NSD2: variants seen among roughly 807,000 people sequenced by gnomAD.
The protein encoded by NSD2 is nuclear receptor binding SET domain protein 2, also known as histone-lysine N-methyltransferase NSD2.
NSD2 carries 12 observed loss-of-function variants against 139.0 expected under a neutral mutation model. That is an observed-to-expected ratio of 0.09 (90% CI 0.06 to 0.14). The LOEUF is 0.14. NSD2 is among the 10% of genes least tolerant of loss of function. The probability of loss-of-function intolerance (pLI) is 1.00; values close to 1 mark genes in which losing one functional copy is unlikely to be tolerated. For synonymous variants in NSD2, 669 were observed against 648.7 expected (o/e 1.03, Z -0.48); for missense variants, 1,155 against 1,745.0 (o/e 0.66, Z 6.02).
intron 1 of NSD2, among the ~76,000 whole-genome samples, chr4:1,875,080 T>C (rs1026585616): frequency 2.0e-5 from 3 of 151,892 alleles, no homozygotes; most frequent in Non-Finnish European, 4.4e-5. Flanking sequence ...TCCCAGCTCA[T>C]TCTCCTAAGT....
intron 1 of NSD2, among the ~76,000 whole-genome samples, chr4:1,875,935 G>A (rs1321079787): frequency 6.7e-6 from 1 of 150,196 alleles, no homozygotes; most frequent in African/African-American, 2.5e-5. Flanking sequence ...ACAGATTTTG[G>A]CTGGGTGCGG....
rs574573425 is a variant in NSD2, at chr4:1,974,877, C to T, written c.3387C>T (p.Asp1129=). The part of the protein sequence containing the change: ...MLTIDKDRII[D]AGPKGNYSRF... ...TGACCTTACAGGACCGTATAATAGA[C>T]GCTGGCCCCAAAGGAAACTACTCTC... Residue 1129 remains aspartate, a synonymous_variant, in exon 19 of 22, where the codon GAC becomes GAT. Transcript: ENST00000508803. The surrounding 1 kb of genome is among the most constrained non-coding windows in gnomAD (Gnocchi z 4.0). 3.8e-5 allele frequency: 61 copies of T among 1,614,242 alleles called. No homozygotes were observed. In the African/African-American group the frequency reaches 4.0e-4, roughly 11 times the overall value.
chr4:1,891,492 C>T (rs774111361), intron 1 of NSD2, among the ~76,000 whole-genome samples: 1 of 152,050 alleles, frequency 6.6e-6, no homozygotes, highest in African/African-American at 2.4e-5. Flanking sequence ...TCAGAGTGGG[C>T]TTTAGCTGAC....
intron 3 of NSD2, among the ~76,000 whole-genome samples, chr4:1,904,936 G>T (rs573755986): frequency 2.6e-5 from 4 of 152,152 alleles, no homozygotes; most frequent in African/African-American, 9.7e-5. Context: ...TTCGAGACTA[G>T]CCTGACCAAC....
rs773978600 is a variant in NSD2, at chr4:1,973,028, A to G, written c.3373-1835A>G. 1.4e-4 allele frequency among the ~76,000 whole-genome samples: 22 copies of G among 152,094 alleles called. No homozygotes were observed. The highest frequency in any genetic ancestry group is 2.5e-4 in the Non-Finnish European group (17 of 67,984). ...CCACCATAGCTGGATAATTTTTTGT[A>G]TTTTTATTAGAGACAGTTTCACCAT... On this transcript the variant is annotated intron_variant, in intron 18 of 21. Coordinates refer to ENST00000508803, the MANE Select transcript of NSD2 (RefSeq NM_001042424.3). This position sits in a 1 kb window ranked among gnomAD's most constrained non-coding sequence, Gnocchi z 5.5.
At chr4:1,954,090 A>G (rs985515411) in intron 12 of NSD2, among the ~76,000 whole-genome samples, 1 of 151,342 alleles carries the variant, frequency 6.6e-6, no homozygotes, top group African/African-American at 2.4e-5. Flanking sequence ...GGTTCAAGCG[A>G]TCCTCCTGCC....
intron 9 of NSD2, chr4:1,940,465 G>A (rs1294182097): frequency 2.1e-5 from 22 of 1,063,230 alleles, no homozygotes; most frequent in Admixed American, 1.1e-4. Flanking sequence ...ATTTTTTGCC[G>A]TTGCCAAAAA....
intron 9 of NSD2, chr4:1,944,749 C>T: frequency 1.9e-6 from 2 of 1,064,660 alleles, no homozygotes; most frequent in South Asian, 4.6e-5. Context: ...CTTTATATAT[C>T]TGCTTCTAAA....
At chr4:1,925,794 GTTTGTTTGTT>G (rs1720834975) in intron 5 of NSD2, among the ~76,000 whole-genome samples, 1 of 150,648 alleles carries the variant, frequency 6.6e-6, no homozygotes, top group East Asian at 2.0e-4. Flanking sequence ...TTGTTTGTTT[GTTTGTTTGTT>G]TTTGTTTTTG....
intron 18 of NSD2, among the ~76,000 whole-genome samples, chr4:1,961,617 G>C (rs1725378964): frequency 6.6e-6 from 1 of 152,204 alleles, no homozygotes; most frequent in Non-Finnish European, 1.5e-5. Flanking sequence ...TGGAACCTAG[G>C]TGCTAGAGGG....
intron 1 of NSD2, among the ~76,000 whole-genome samples, chr4:1,879,660 A>C: frequency 6.6e-6 from 1 of 151,706 alleles, no homozygotes; most frequent in Non-Finnish European, 1.5e-5. Context: ...AGCTCTTGTG[A>C]TGAGCCGTGC....
At chr4:1,932,762 T>G (rs925560847) in intron 6 of NSD2, among the ~76,000 whole-genome samples, 11 of 152,068 alleles carry the variant, frequency 7.2e-5, no homozygotes, top group African/African-American at 2.4e-4. Flanking sequence ...TCAAAAAAAA[T>G]GAAAATCCAT....
chr4:1,877,298 T>TAC (rs1327410587), intron 1 of NSD2, among the ~76,000 whole-genome samples: 1 of 152,202 alleles, frequency 6.6e-6, no homozygotes, highest in Non-Finnish European at 1.5e-5. Flanking sequence ...GGTAGTTCTC[T>TAC]ACACACTGCC....
rs1294763394 is a variant in NSD2, at chr4:1,918,213, A to G, written c.1000A>G (p.Ser334Gly). ...CATTGTTCAAGCAGAAGAAGCTGCA[A>G]GCATGTCAGTGGAGGAGCGGAAAGC... ...MGIVQAEEAA[S>G]MSVEERKAKF... The change falls in exon 5 of 22, where the codon AGC becomes GGC. Residue 334 changes from serine to glycine, a missense_variant. Physicochemically the swap from Ser to Gly is moderately conservative, Grantham distance 56. Coordinates refer to ENST00000508803, the MANE Select transcript of NSD2 (RefSeq NM_001042424.3). The G allele has an allele frequency of 6.2e-7, 1 of 1,613,604 alleles. No homozygotes were observed. The highest frequency in any genetic ancestry group is 8.5e-7 in the Non-Finnish European group (1 of 1,179,982).
At chr4:1,929,433 C>T (rs996820563) in intron 5 of NSD2, among the ~76,000 whole-genome samples, 9 of 152,090 alleles carry the variant, frequency 5.9e-5, no homozygotes, top group South Asian at 2.1e-4. Flanking sequence ...AGAGACAGTG[C>T]CTTCACTTGC....
intron 1 of NSD2, among the ~76,000 whole-genome samples, chr4:1,896,734 TTC>T (rs1278451941): frequency 6.7e-6 from 1 of 149,238 alleles, no homozygotes; most frequent in East Asian, 2.0e-4. Flanking sequence ...CTTCCTTCCC[TTC>T]TCTCTTTCTC....
At chr4:1,893,019 T>G (rs558965585) in intron 1 of NSD2, 21 of 152,298 alleles carry the variant, frequency 1.4e-4, no homozygotes, top group African/African-American at 5.1e-4. Flanking sequence ...GAGGAATTCT[T>G]AGGTTATTAG....
intron 18 of NSD2, among the ~76,000 whole-genome samples, chr4:1,964,382 T>G (rs1725663760): frequency 6.6e-6 from 1 of 152,188 alleles, no homozygotes; most frequent in East Asian, 1.9e-4. Context: ...TGGAAGCTAC[T>G]GAAGGCTTGC....
At chr4:1,911,911 A>T (rs552878166) in intron 3 of NSD2, among the ~76,000 whole-genome samples, 11 of 152,274 alleles carry the variant, frequency 7.2e-5, no homozygotes, top group African/African-American at 2.6e-4. Context: ...AGGAGCATTT[A>T]TCTGTGTCAT....
Sources: allele counts gnomAD v4.1 joint callset (sites outside exome capture counted in the v4.1 genomes callset), GRCh38; gene constraint gnomAD v4.1.1; non-coding constraint Gnocchi (gnomAD v3.1); transcripts MANE v1.5; gene names NCBI Gene and HGNC (gene_info 2026-07-23, HGNC 2026-07-21).